Variants in IL1RAPL2 observed in about 807,000 individuals in gnomAD.
IL1RAPL2 encodes the protein X-linked interleukin-1 receptor accessory protein-like 2.
In IL1RAPL2, 3 loss-of-function variants were observed where a neutral mutation model predicts 44.1. The observed-to-expected ratio is 0.07, with a 90% CI of 0.03 to 0.18. IL1RAPL2 has a LOEUF of 0.18. Ranked by LOEUF, IL1RAPL2 falls within the 10% of genes least tolerant of loss-of-function variation. The pLI is 1.00. For synonymous variants in IL1RAPL2, 181 were observed against 178.8 expected (o/e 1.01, Z -0.10); for missense variants, 391 against 496.4 (o/e 0.79, Z 2.02).
At chrX:105,263,316 G>A (rs936319626) in intron 4 of IL1RAPL2, among the ~76,000 whole-genome samples, 1 of 111,371 alleles carries the variant, frequency 9.0e-6, no homozygotes, top group Non-Finnish European at 1.9e-5. Context: ...GAGGTTACAT[G>A]GTTAGTTTAT....
chrX:104,618,765 C>T (rs1333313856), intron 1 of IL1RAPL2, among the ~76,000 whole-genome samples: 1 of 111,475 alleles, frequency 9.0e-6, no homozygotes, highest in Non-Finnish European at 1.9e-5. Flanking sequence ...CAAGCTGGTT[C>T]TCTGAATGCC....
intron 6 of IL1RAPL2, among the ~76,000 whole-genome samples, chrX:105,700,133 T>C (rs1322307029): frequency 9.0e-6 from 1 of 111,588 alleles, no homozygotes; most frequent in Non-Finnish European, 1.9e-5. Context: ...TAGAACACAG[T>C]AAAAACAGCA....
chrX:105,663,326 G>C (rs2037734322), intron 6 of IL1RAPL2, among the ~76,000 whole-genome samples: 1 of 112,032 alleles, frequency 8.9e-6, no homozygotes, highest in Admixed American at 9.4e-5. Context: ...TAAAGACACT[G>C]TATCAAAAAA....
intron 6 of IL1RAPL2, among the ~76,000 whole-genome samples, chrX:105,609,680 T>C (rs887904653): frequency 1.8e-5 from 2 of 111,211 alleles, no homozygotes; most frequent in African/African-American, 6.5e-5. Flanking sequence ...AGAATAATTA[T>C]AGTTAGCGAG....
At chrX:104,592,145 ATGTG>A (rs35940205) in intron 1 of IL1RAPL2, among the ~76,000 whole-genome samples, 6,948 of 60,065 alleles carry the variant, frequency 0.12, 367 homozygotes, top group South Asian at 0.15. Context: ...ATGCCCGTAT[ATGTG>A]TGTGTGTGTG....
intron 2 of IL1RAPL2, among the ~76,000 whole-genome samples, chrX:104,935,870 A>T (rs180752971): frequency 4.3e-3 from 478 of 111,420 alleles, no homozygotes; most frequent in Non-Finnish European, 6.9e-3. Context: ...GTCTACTAAG[A>T]GCAGAAAATT....
At chrX:105,141,747 AT>A (rs1316512339) in intron 2 of IL1RAPL2, among the ~76,000 whole-genome samples, 1 of 112,089 alleles carries the variant, frequency 8.9e-6, no homozygotes, top group Non-Finnish European at 1.9e-5. Flanking sequence ...ATCTTAAGAG[AT>A]TGAAATAAGA....
At chrX:104,927,412 G>T (rs1398732951) in intron 2 of IL1RAPL2, among the ~76,000 whole-genome samples, 2 of 111,441 alleles carry the variant, frequency 1.8e-5, no homozygotes, top group Non-Finnish European at 3.8e-5. Flanking sequence ...CAGGAATGAT[G>T]AGTTATGAAC....
chrX:105,397,484 GGAAA>G (rs753032310), intron 5 of IL1RAPL2, among the ~76,000 whole-genome samples: 63 of 111,001 alleles, frequency 5.7e-4, no homozygotes, highest in African/African-American at 1.8e-3. Flanking sequence ...ATGAAAGGAA[GGAAA>G]GAAAGAGGGA....
intron 1 of IL1RAPL2, among the ~76,000 whole-genome samples, chrX:104,632,968 G>A (rs368429588): frequency 9.0e-6 from 1 of 111,497 alleles, no homozygotes; most frequent in Admixed American, 9.6e-5. Context: ...TATGATATTG[G>A]CTGTGGGTTT....
At chrX:104,792,535 T>C (rs1372409352) in intron 2 of IL1RAPL2, among the ~76,000 whole-genome samples, 1 of 111,631 alleles carries the variant, frequency 9.0e-6, no homozygotes. Flanking sequence ...ATATCACTAA[T>C]ATTGTTATAG....
At chrX:104,764,166 A>T (rs1271133588) in intron 2 of IL1RAPL2, among the ~76,000 whole-genome samples, 2 of 107,749 alleles carry the variant, frequency 1.9e-5, no homozygotes, top group African/African-American at 6.7e-5. Flanking sequence ...GGACATTTTG[A>T]CACTACTGAT....
chrX:105,096,572 T>C (rs2032605932), intron 2 of IL1RAPL2, among the ~76,000 whole-genome samples: 3 of 112,177 alleles, frequency 2.7e-5, no homozygotes, highest in Non-Finnish European at 5.6e-5. Flanking sequence ...GAAAACATTA[T>C]GCTAAGTGAC....
At chrX:104,677,145 T>C (rs1029513350) in intron 2 of IL1RAPL2, among the ~76,000 whole-genome samples, 1 of 112,111 alleles carries the variant, frequency 8.9e-6, no homozygotes, top group Non-Finnish European at 1.9e-5. Flanking sequence ...GGTGAGGAAT[T>C]GCGTTCCTTT....
chrX:104,942,068 T>C (rs1443377502), intron 2 of IL1RAPL2, among the ~76,000 whole-genome samples: 3 of 112,043 alleles, frequency 2.7e-5, no homozygotes, highest in Non-Finnish European at 5.6e-5. Context: ...TATCTTTGTT[T>C]TGGTACCAGT....
chrX:104,649,196 G>T (rs1930105290), intron 1 of IL1RAPL2, among the ~76,000 whole-genome samples: 1 of 111,005 alleles, frequency 9.0e-6, no homozygotes, highest in African/African-American at 3.3e-5. Context: ...GTTGGTTTCA[G>T]TCTCTGTGTC....
chrX:105,362,526 C>T (rs1215869656), intron 5 of IL1RAPL2, among the ~76,000 whole-genome samples: 1 of 110,402 alleles, frequency 9.1e-6, no homozygotes, highest in Non-Finnish European at 1.9e-5. Context: ...CCACGCCCGC[C>T]CCCCAAAGAC....
intron 6 of IL1RAPL2, among the ~76,000 whole-genome samples, chrX:105,684,648 T>A (rs767605659): frequency 8.9e-6 from 1 of 112,253 alleles, no homozygotes; most frequent in Non-Finnish European, 1.9e-5. Context: ...GACTTAAACA[T>A]CCCTGTCTGA....
rs761326691 is a variant in IL1RAPL2, at chrX:105,591,543, G to A, written c.772+107156G>A. 3.6e-5 allele frequency among the ~76,000 whole-genome samples: 4 copies of A among 111,003 alleles called. No homozygotes were observed. In the South Asian group the frequency reaches 1.1e-3, roughly 32 times the overall value. ...CTTAAGATCTTTCTAACTTTTTTAT[G>A]TGGGTGTTTAGTGCTATAAACTTTC... is the stretch of plus-strand genomic sequence containing the variant. On this transcript the variant is annotated intron_variant, in intron 6 of 10. Coordinates refer to ENST00000372582, the MANE Select transcript of IL1RAPL2 (RefSeq NM_017416.2).
Sources: gnomAD v4.1 joint callset for allele counts (sites outside exome capture counted in the v4.1 genomes callset) on GRCh38, gnomAD v4.1.1 for gene constraint, MANE v1.5 for transcripts, NCBI Gene and HGNC (gene_info 2026-07-23, HGNC 2026-07-21) for gene names.